Variants in TP53BP1 observed in about 807,000 individuals in gnomAD.
TP53BP1 encodes tumor protein p53 binding protein 1, also known as TP53-binding protein 1.
TP53BP1 carries 61 observed loss-of-function variants against 200.8 expected under a neutral mutation model. The observed-to-expected ratio is 0.30, with a 90% CI of 0.25 to 0.38. TP53BP1 has a LOEUF of 0.38. Among genes scored for constraint, TP53BP1 ranks in the 10% least tolerant of loss-of-function variants. The probability of loss-of-function intolerance (pLI) is 1.00; values close to 1 mark genes in which losing one functional copy is unlikely to be tolerated. For synonymous variants in TP53BP1, 822 were observed against 844.3 expected (o/e 0.97, Z 0.46); for missense variants, 2,144 against 2,371.9 (o/e 0.90, Z 2.00).
intron 17 of TP53BP1, among the ~76,000 whole-genome samples, chr15:43,429,389 C>A (rs1349036138): frequency 6.6e-6 from 1 of 152,188 alleles, no homozygotes; most frequent in Non-Finnish European, 1.5e-5. Context: ...CCCTCCTACA[C>A]CCCACTAACT....
At chr15:43,462,369 T>G (rs2140066715) in intron 11 of TP53BP1, among the ~76,000 whole-genome samples, 1 of 151,872 alleles carries the variant, frequency 6.6e-6, no homozygotes, top group Non-Finnish European at 1.5e-5. Context: ...GGCACAATCA[T>G]AGTTCACTGC....
chr15:43,456,248 G>A lies in TP53BP1; in HGVS notation c.2360C>T (p.Ser787Leu). The change falls in exon 12 of 28, where the codon TCA becomes TTA. Residue 787 changes from serine to leucine, a missense_variant. This residue lies in a region of TP53BP1 where 1,700 missense variants were observed against 1,710.3 expected (regional missense o/e 0.99). Coordinates refer to ENST00000382044, the MANE Select transcript of TP53BP1 (RefSeq NM_001141980.3). ...CEPLEGVEKC[S>L]DSQSWEDIAP... ...AATATCCTCCCATGACTGGGAATCT[G>A]AGCACTTCTCCACTCCCTCCAAAGG... The A allele has an allele frequency of 6.2e-7, 1 of 1,614,148 alleles. No individual in the cohort carries two copies. The highest frequency in any genetic ancestry group is 8.5e-7 in the Non-Finnish European group (1 of 1,180,048).
At chr15:43,495,343 C>A (rs2079175582), upstream of TP53BP1, among the ~76,000 whole-genome samples, 1 of 146,834 alleles carries the variant, frequency 6.8e-6, no homozygotes, top group Non-Finnish European at 1.5e-5. Flanking sequence ...ACTAAAAATA[C>A]AAAAAATCAG....
rs762372277 is a variant in TP53BP1, at chr15:43,492,333, A to G, written c.143T>C (p.Leu48Pro). 5 of 1,614,070 alleles carry G rather than the reference A, an allele frequency of 3.1e-6. No homozygotes were observed. The Admixed American group carries it at 5.0e-5, about 16-fold the overall frequency. ...EDDSGSHFSM[L>P]SRHLPNLQTH... ...CTGGAGATTAGGAAGGTGTCGAGAT[A>G]GCATACTGAAGTGAGAACCAGAATC... is the stretch of plus-strand genomic sequence containing the variant. The change falls in exon 2 of 28, where the codon CTA (leucine) becomes CCA (proline). Residue 48 changes from leucine (L) to proline (P), a missense_variant. Coordinates refer to ENST00000382044, the MANE Select transcript of TP53BP1 (RefSeq NM_001141980.3).
chr15:43,472,559 T>G (rs899088399), intron 10 of TP53BP1, among the ~76,000 whole-genome samples: 4 of 152,162 alleles, frequency 2.6e-5, no homozygotes, highest in African/African-American at 7.2e-5. Context: ...ATGAATGAAG[T>G]TAAAATTTTT....
intron 12 of TP53BP1, among the ~76,000 whole-genome samples, chr15:43,454,857 G>A (rs920568624): frequency 4.6e-5 from 7 of 152,190 alleles, no homozygotes; most frequent in East Asian, 1.9e-4. Flanking sequence ...TCAGCCTCCC[G>A]AGTAGCTGGA....
chr15:43,417,013 T>C (rs1258152187), intron 21 of TP53BP1: 1 of 152,248 alleles, frequency 6.6e-6, no homozygotes, highest in African/African-American at 2.4e-5. Flanking sequence ...AAATGTGGGA[T>C]GTAAAAGGAA....
chr15:43,487,783 CAA>C (rs35455276), intron 4 of TP53BP1, among the ~76,000 whole-genome samples: 46 of 93,798 alleles, frequency 4.9e-4, no homozygotes, highest in Admixed American at 7.1e-4. Context: ...GACTCCATCT[CAA>C]AAAAAAAAAA....
chr15:43,403,913 T>A lies in TP53BP1; in HGVS notation c.*3470A>T. 1 of 724,582 alleles carries A rather than the reference T, an allele frequency of 1.4e-6. No individual in the cohort carries two copies. The highest frequency in any genetic ancestry group is 2.4e-6 in the Non-Finnish European group (1 of 413,802). The allele number at this position is 724,582 out of a possible 1,614,324, so 44.9% of individuals were successfully genotyped here. ...AAAGCATTTCCTCAATACACACACG[T>A]ACAGAGATAAGATACAAAGATAAAA... On this transcript the variant is annotated 3_prime_UTR_variant, in exon 28 of 28. Coordinates refer to ENST00000382044, the MANE Select transcript of TP53BP1 (RefSeq NM_001141980.3).
chr15:43,480,839 A>G (rs1000039569), intron 5 of TP53BP1, 56 bp downstream of exon 5: 17 of 1,594,110 alleles, frequency 1.1e-5, no homozygotes, highest in East Asian at 2.2e-5. Flanking sequence ...CATCTGCACA[A>G]TCATGTTAAA....
rs547499055 is a variant in TP53BP1 at position 43,493,061 on chromosome 15, C to G, written c.-18G>C. ...CCAGGCATCCCGGCGGGAGGTCCCTCGCGCTCGAGCTAGAGGTCTCTGCAC... is the reference window on the plus strand; with the variant it reads ...CCAGGCATCCCGGCGGGAGGTCCCTGGCGCTCGAGCTAGAGGTCTCTGCAC... On this transcript the variant is annotated 5_prime_UTR_variant, in exon 1 of 28. Coordinates refer to ENST00000382044, the MANE Select transcript of TP53BP1 (RefSeq NM_001141980.3). The G allele has an allele frequency of 4.2e-5, 68 of 1,613,066 alleles. 1 individual carries two copies. In the South Asian group the frequency reaches 6.7e-4, roughly 16 times the overall value.
chr15:43,408,941 C>T lies in TP53BP1; in HGVS notation c.5556G>A (p.Leu1852=), dbSNP rs151152248. Residue 1852 remains leucine (L), a synonymous_variant, in exon 26 of 28, where the codon CTG becomes CTA. Coordinates refer to ENST00000382044, the MANE Select transcript of TP53BP1 (RefSeq NM_001141980.3). ...ANQLQNYRNY[L]LPAGYSLEEQ... ...CCTCAAGGCTGTACCCAGCTGGCAA[C>T]AGATAATTACGGTAGTTCTGGAGCT... 4 of 1,614,218 alleles carry T rather than the reference C, an allele frequency of 2.5e-6. No individual in the cohort carries two copies. The African/African-American group carries it at 4.0e-5, about 16-fold the overall frequency.
At chr15:43,509,103 C>G (rs1315171724) in intron 1 of TP53BP1, among the ~76,000 whole-genome samples, 1 of 148,966 alleles carries the variant, frequency 6.7e-6, no homozygotes, top group African/African-American at 2.5e-5. Context: ...TTCTGGCTCT[C>G]TGCCTCCACA....
In TP53BP1 at chr15:43,492,442, G is replaced by A; in HGVS notation, c.34C>T (p.Gln12Ter). Residue 12 changes from glutamine (Q) to a stop codon, truncating the protein, a stop_gained, in exon 2 of 28, where the codon CAG becomes TAG. Coordinates refer to ENST00000382044, the MANE Select transcript of TP53BP1 (RefSeq NM_001141980.3). LOFTEE classifies it high-confidence loss of function. ...TGCTGAGAGAAATCTGAATCCAACT[G>A]ACTTCCAGTAGGGTCCATCTGCTCC... ...PGEQMDPTGS[Q>*]LDSDFSQQDT... is the part of the protein sequence containing the mutation. 6.2e-7 allele frequency: 1 copy of A among 1,613,914 alleles called. No homozygotes were observed. The highest frequency in any genetic ancestry group is 8.5e-7 in the Non-Finnish European group (1 of 1,179,928).
chr15:43,485,831 GCAAGACTCCGTTT>G (rs1049850566), intron 4 of TP53BP1, among the ~76,000 whole-genome samples: 1 of 151,752 alleles, frequency 6.6e-6, no homozygotes, highest in Non-Finnish European at 1.5e-5. Flanking sequence ...GGGCAACAAA[GCAAGACTCCGTTT>G]CAAAAAAGAA....
intron 15 of TP53BP1, among the ~76,000 whole-genome samples, chr15:43,440,953 T>TGATGAC (rs2045913121): frequency 6.6e-6 from 1 of 152,178 alleles, no homozygotes; most frequent in Non-Finnish European, 1.5e-5. Flanking sequence ...TATTAGCGTT[T>TGATGAC]TCAGGCTGGA....
chr15:43,408,163 T>C lies in TP53BP1; in HGVS notation c.5601-75A>G, dbSNP rs1364365527. 4 of 1,440,592 alleles carry C rather than the reference T, an allele frequency of 2.8e-6. No individual in the cohort carries two copies. In the African/African-American group the frequency reaches 4.2e-5, roughly 15 times the overall value. The allele number at this position is 1,440,592 out of a possible 1,614,324, so 89.2% of individuals were successfully genotyped here. A position where few individuals can be genotyped will look rare whatever the true frequency, so the allele number is the denominator to read the frequency against. ...AACTGCCTTTCTGCAAAGGGACTCA[T>C]GTACATCTGAATGCTTTCAAAAATA... On this transcript the variant is annotated intron_variant, in intron 26 of 27. Transcript: ENST00000382044.
rs912745290 is a variant in TP53BP1 at position 43,456,299 on chromosome 15, G to T, written c.2309C>A (p.Ser770Tyr). The change falls in exon 12 of 28, where the codon TCT becomes TAT. Residue 770 changes from serine (S) to tyrosine (Y), a missense_variant. Ser to Tyr is a moderately radical substitution (Grantham distance 144). Transcript: ENST00000382044. ...TTCACAAGAAACATCAACTCTGGGA[G>T]ATGGCTCTTTCACATCTACAATGAC... The part of the protein sequence containing the change: ...SVVIVDVKEP[S>Y]PRVDVSCEPL... 1.9e-6 allele frequency: 3 copies of T among 1,614,012 alleles called. No individual in the cohort carries two copies. The highest frequency in any genetic ancestry group is 2.7e-5 in the African/African-American group (2 of 74,940).
chr15:43,501,524 T>A (rs772439768), intron 1 of TP53BP1, among the ~76,000 whole-genome samples: 1 of 152,174 alleles, frequency 6.6e-6, no homozygotes, highest in Non-Finnish European at 1.5e-5. Flanking sequence ...AGTAATTTGA[T>A]GAGCTTTGAC....
Sources: allele counts gnomAD v4.1 joint callset (sites outside exome capture counted in the v4.1 genomes callset), GRCh38; gene constraint gnomAD v4.1.1; regional missense constraint gnomAD v4.1.1; transcripts MANE v1.5; gene names NCBI Gene and HGNC (gene_info 2026-07-23, HGNC 2026-07-21).